CHSY1: variants seen among roughly 807,000 people sequenced by gnomAD.
CHSY1 encodes chondroitin sulfate synthase 1, also known as N-acetylgalactosaminyl-proteoglycan 3-beta-glucuronosyltransferase 1.
In CHSY1, 13 loss-of-function variants were observed where a neutral mutation model predicts 59.8. The ratio of observed to expected loss-of-function variants is 0.22; its 90% CI spans 0.14 to 0.35. The LOEUF (loss-of-function observed/expected upper bound fraction) is 0.35, where lower values mean the gene tolerates loss of function less well. CHSY1 is among the 10% of genes least tolerant of loss of function. The pLI, the probability that CHSY1 is intolerant of heterozygous loss-of-function variation, is 1.00. For missense variants in CHSY1, 947 were observed against 1,030.6 expected (o/e 0.92, Z 1.11); for synonymous variants, 459 against 401.2 (o/e 1.14, Z -1.72).
chr15:101,193,232 T>G (rs2038467530), intron 2 of CHSY1, among the ~76,000 whole-genome samples: 1 of 151,572 alleles, frequency 6.6e-6, no homozygotes. Flanking sequence ...AAACAAGGAG[T>G]GTGTCAGACG....
chr15:101,204,435 AAATAATAAT>A (rs56793692), intron 2 of CHSY1, among the ~76,000 whole-genome samples: 60,524 of 143,816 alleles, frequency 0.42, 14,304 homozygotes, highest in African/African-American at 0.63. Flanking sequence ...ACTCCATCTC[AAATAATAAT>A]AATAATAATA....
chr15:101,236,622 C>T (rs1313181615), intron 1 of CHSY1, among the ~76,000 whole-genome samples: 1 of 151,878 alleles, frequency 6.6e-6, no homozygotes, highest in Non-Finnish European at 1.5e-5. Flanking sequence ...GAGATTGAGA[C>T]CATCCTGTCT....
At chr15:101,183,436 G>A (rs1360089395) in intron 2 of CHSY1, among the ~76,000 whole-genome samples, 1 of 152,214 alleles carries the variant, frequency 6.6e-6, no homozygotes, top group African/African-American at 2.4e-5. Context: ...GAAGAACAAT[G>A]CCTTCAGAAG....
chr15:101,248,703 CA>C (rs1374281807), intron 1 of CHSY1, among the ~76,000 whole-genome samples: 1 of 152,188 alleles, frequency 6.6e-6, no homozygotes, highest in African/African-American at 2.4e-5. Context: ...GAAAGGAGGC[CA>C]AAAGTAAGAG....
intron 1 of CHSY1, among the ~76,000 whole-genome samples, chr15:101,239,111 A>T (rs2038976554): frequency 6.6e-6 from 1 of 152,212 alleles, no homozygotes; most frequent in African/African-American, 2.4e-5. Flanking sequence ...TTTATAGAGA[A>T]ATGTTTTTCA....
At chr15:101,251,064 C>A in intron 1 of CHSY1, 73 bp downstream of exon 1, 1 of 1,420,884 alleles carries the variant, frequency 7.0e-7, no homozygotes, top group Non-Finnish European at 9.5e-7. Flanking sequence ...AGGCGAGAGC[C>A]AGGAGAGCAC....
chr15:101,235,720 G>A (rs1262611622), intron 1 of CHSY1, 143 bp from the exon 2 acceptor site: 2 of 835,060 alleles, frequency 2.4e-6, no homozygotes, highest in East Asian at 5.2e-5. Flanking sequence ...CTTAACGAAA[G>A]CCCAGGTTAC....
In CHSY1 at chr15:101,177,631, G is replaced by A. The variant is rs1463270386; in HGVS notation, c.2166C>T (p.Asp722=). 7.4e-6 allele frequency: 12 copies of A among 1,614,136 alleles called. No individual in the cohort carries two copies. In the South Asian group the frequency reaches 1.2e-4, roughly 16 times the overall value. The change falls in exon 3 of 3, where the codon GAC becomes GAT. Residue 722 remains aspartate (D), a synonymous_variant. Coordinates refer to ENST00000254190, the MANE Select transcript of CHSY1 (RefSeq NM_014918.5). ...SIQGWGLEDV[D]LFNKVVQAGL... is the part of the protein sequence containing the mutation. ...CTGCCTGGACAACCTTGTTGAAAAG[G>A]TCCACATCCTCCAGCCCCCAGCCTT...
At chr15:101,214,884 G>A (rs2038716407) in intron 2 of CHSY1, among the ~76,000 whole-genome samples, 1 of 151,306 alleles carries the variant, frequency 6.6e-6, no homozygotes, top group Non-Finnish European at 1.5e-5. Flanking sequence ...TAGGTGGGAG[G>A]TGGCTGGATC....
intron 1 of CHSY1, among the ~76,000 whole-genome samples, chr15:101,248,002 C>T (rs1400382684): frequency 3.0e-4 from 45 of 152,096 alleles, no homozygotes; most frequent in Admixed American, 2.9e-3. Context: ...ACTGAAAGTG[C>T]TGGCATCTCC....
chr15:101,225,486 T>C (rs1278362061), intron 2 of CHSY1, among the ~76,000 whole-genome samples: 2 of 152,180 alleles, frequency 1.3e-5, no homozygotes, highest in Non-Finnish European at 2.9e-5. Context: ...GTGTTGGAGG[T>C]GGGTCCTGGT....
chr15:101,192,673 CCA>C (rs1292603227), intron 2 of CHSY1, among the ~76,000 whole-genome samples: 1 of 106,332 alleles, frequency 9.4e-6, no homozygotes, highest in African/African-American at 3.9e-5. Context: ...CCTCGTGGCT[CCA>C]CAGAGGTGCC....
chr15:101,246,635 G>T (rs1432874379), intron 1 of CHSY1, among the ~76,000 whole-genome samples: 2 of 152,116 alleles, frequency 1.3e-5, no homozygotes, highest in Non-Finnish European at 2.9e-5. Flanking sequence ...AAACTGGTAG[G>T]GAAATGAGAA....
intron 2 of CHSY1, among the ~76,000 whole-genome samples, chr15:101,234,055 T>A (rs1464118501): frequency 6.6e-6 from 1 of 152,214 alleles, no homozygotes; most frequent in Non-Finnish European, 1.5e-5. Context: ...GGTATCAGAT[T>A]GTGCAATCTG....
At chr15:101,243,401 C>T (rs1048916010) in intron 1 of CHSY1, among the ~76,000 whole-genome samples, 4 of 152,184 alleles carry the variant, frequency 2.6e-5, no homozygotes, top group Non-Finnish European at 4.4e-5. Context: ...AAATCAGTAT[C>T]GTTTAATGCA....
At chr15:101,206,744 A>C (rs2038630645) in intron 2 of CHSY1, among the ~76,000 whole-genome samples, 5 of 152,238 alleles carry the variant, frequency 3.3e-5, no homozygotes, top group Admixed American at 3.3e-4. Flanking sequence ...CCCTACACAG[A>C]AGCAGCCATA....
At chr15:101,245,155 T>C (rs865787799) in intron 1 of CHSY1, among the ~76,000 whole-genome samples, 1 of 152,148 alleles carries the variant, frequency 6.6e-6, no homozygotes, top group Non-Finnish European at 1.5e-5. Flanking sequence ...ATGTCACCAA[T>C]AGCTCTGGAC....
intron 2 of CHSY1, among the ~76,000 whole-genome samples, chr15:101,184,655 CTTTT>C (rs1002564873): frequency 1.3e-4 from 20 of 151,850 alleles, no homozygotes; most frequent in African/African-American, 4.8e-4. Context: ...CGGCCATTTT[CTTTT>C]TTTAATGAAA....
intron 1 of CHSY1, among the ~76,000 whole-genome samples, chr15:101,237,636 G>A (rs1240997118): frequency 6.6e-6 from 1 of 152,146 alleles, no homozygotes; most frequent in Non-Finnish European, 1.5e-5. Context: ...TCGACAGAGG[G>A]AAGATGAGTG....
Sources: allele counts gnomAD v4.1 joint callset (sites outside exome capture counted in the v4.1 genomes callset), GRCh38; gene constraint gnomAD v4.1.1; transcripts MANE v1.5; gene names NCBI Gene and HGNC (gene_info 2026-07-23, HGNC 2026-07-21).